Variants in PLD2 observed in about 807,000 individuals in gnomAD.
The protein encoded by PLD2 is phospholipase D2, also known as choline phosphatase 2.
In PLD2, 101 loss-of-function variants were observed where a neutral mutation model predicts 119.8. The observed-to-expected ratio is 0.84, with a 90% confidence interval of 0.72 to 0.99. The LOEUF is 0.99. PLD2 is among the 50% of genes least tolerant of loss of function. The pLI, the probability that PLD2 is intolerant of heterozygous loss-of-function variation, is 0.00. For synonymous variants in PLD2, 494 were observed against 482.8 expected (o/e 1.02, Z -0.30); for missense variants, 1,164 against 1,226.8 (o/e 0.95, Z 0.76).
intron 21 of PLD2, 57 bp downstream of exon 21, chr17:4,818,880 G>A: frequency 6.4e-7 from 1 of 1,573,008 alleles, no homozygotes; most frequent in Middle Eastern, 1.7e-4. Flanking sequence ...GGAGATTGGG[G>A]CGCTGCAGGC....
chr17:4,822,502 A>AG (rs1237450161), intron 24 of PLD2, 138 bp from the exon 25 acceptor site: 7 of 582,792 alleles, frequency 1.2e-5, no homozygotes, highest in Non-Finnish European at 1.8e-5. Context: ...CAAAAAAAAA[A>AG]AGAGAGAGAG....
At chr17:4,813,723 G>A (rs1367051236) in intron 10 of PLD2, among the ~76,000 whole-genome samples, 1 of 152,158 alleles carries the variant, frequency 6.6e-6, no homozygotes, top group African/African-American at 2.4e-5. Context: ...GCCAGGCGTG[G>A]TGGCGGGCGC....
intron 10 of PLD2, among the ~76,000 whole-genome samples, chr17:4,812,244 G>A (rs1906543740): frequency 6.6e-6 from 1 of 150,608 alleles, no homozygotes; most frequent in Non-Finnish European, 1.5e-5. Context: ...AGCCTCCCAA[G>A]TAGCTGGGAT....
intron 20 of PLD2, 78 bp from the exon 21 acceptor site, chr17:4,818,696 C>T (rs1907303097): frequency 6.3e-7 from 1 of 1,584,702 alleles, no homozygotes; most frequent in African/African-American, 1.3e-5. Context: ...CCTGCTGGGC[C>T]TTAAAGAAGG....
intron 16 of PLD2, 35 bp downstream of exon 16, chr17:4,817,090 G>A: frequency 1.2e-6 from 2 of 1,607,906 alleles, no homozygotes; most frequent in South Asian, 1.1e-5. Context: ...TGGAGGTAGG[G>A]AGGGAGCCAG....
chr17:4,818,311 T>G lies in PLD2; in HGVS notation c.1935T>G (p.Ile645Met). ...HFLYIENQFFISCSDGRTVLN... is the reference protein window; with the variant it reads ...HFLYIENQFFMSCSDGRTVLN... The stretch of plus-strand genomic sequence containing the variant: ...TCTTGCCCCAGAATCAGTTCTTCAT[T>G]AGCTGCTCAGATGGGCGGACGGTTC... Residue 645 changes from isoleucine (I) to methionine (M), a missense_variant, in exon 19 of 25, where the codon ATT becomes ATG. Physicochemically the swap from Ile to Met is conservative, Grantham distance 10. Transcript: ENST00000263088. The G allele has an allele frequency of 6.2e-7, 1 of 1,613,890 alleles. No homozygotes were observed. Among genetic ancestry groups the G allele is most frequent in the Non-Finnish European group, 8.5e-7 (1 of 1,179,810 alleles).
In PLD2 at chr17:4,811,861, G is replaced by A. The variant is rs140574917; in HGVS notation, c.1010+910G>A. 3.8e-3 allele frequency among the ~76,000 whole-genome samples: 571 copies of A among 151,878 alleles called. 3 individuals carry two copies. The highest frequency in any genetic ancestry group is 0.013 in the African/African-American group (521 of 41,416). Reference sequence around the variant, plus strand: ...ACAGTGTCTTGCTCTGTCACCAGGCGTGTAGTGCAGTAGTGTGATCATGGC... The same window carrying A: ...ACAGTGTCTTGCTCTGTCACCAGGCATGTAGTGCAGTAGTGTGATCATGGC... On this transcript the variant is annotated intron_variant, in intron 10 of 24. Transcript: ENST00000263088.
In PLD2 at chr17:4,810,900, T is replaced by A; in HGVS notation, c.959T>A (p.Leu320Gln). ...GGCCCAGGCAGAGACTTCCTACAGC[T>A]GCACCGGCATGACAGCTACGCCCCA... is the stretch of plus-strand genomic sequence containing the variant. ...AQGPGRDFLQ[L>Q]HRHDSYAPPR... Residue 320 changes from leucine (L) to glutamine (Q), a missense_variant, in exon 10 of 25, where the codon CTG (leucine) becomes CAG (glutamine). Coordinates refer to ENST00000263088, the MANE Select transcript of PLD2 (RefSeq NM_002663.5). 6.2e-7 allele frequency: 1 copy of A among 1,613,716 alleles called. No individual in the cohort carries two copies. The highest frequency in any genetic ancestry group is 2.2e-5 in the East Asian group (1 of 44,858).
At chr17:4,822,348 C>T (rs1200470053) in intron 24 of PLD2, among the ~76,000 whole-genome samples, 1 of 151,560 alleles carries the variant, frequency 6.6e-6, no homozygotes, top group Admixed American at 6.6e-5. Flanking sequence ...AAAAGTTAGC[C>T]GGGCATGGTG....
chr17:4,810,091 G>C, intron 9 of PLD2, 62 bp downstream of exon 9: 1 of 1,553,846 alleles, frequency 6.4e-7, no homozygotes, highest in Non-Finnish European at 8.8e-7. Context: ...GGCCTTGCTG[G>C]GAGTTGAGAA....
intron 23 of PLD2, among the ~76,000 whole-genome samples, chr17:4,820,753 T>C (rs1197370142): frequency 6.7e-6 from 1 of 148,440 alleles, no homozygotes; most frequent in Non-Finnish European, 1.5e-5. Flanking sequence ...ATTTTTTGTA[T>C]TTTTAGTAGA....
In PLD2 at chr17:4,819,172, C is replaced by T. The variant is rs1907369429; in HGVS notation, c.2262C>T (p.Tyr754=). Residue 754 remains tyrosine, a synonymous_variant, in exon 22 of 25, where the codon TAC becomes TAT. Coordinates refer to ENST00000263088, the MANE Select transcript of PLD2 (RefSeq NM_002663.5). This position sits in a 1 kb window ranked among gnomAD's most constrained non-coding sequence, Gnocchi z 4.2. Reference sequence around the variant, plus strand: ...GGCACCCCGTCTCGGAGCTCATCTACATCCACAGCAAGGTGCTCATCGCAG... The same window carrying T: ...GGCACCCCGTCTCGGAGCTCATCTATATCCACAGCAAGGTGCTCATCGCAG... ...LGGHPVSELI[Y]IHSKVLIADD... is the part of the protein sequence containing the mutation. 6.2e-7 allele frequency: 1 copy of T among 1,614,188 alleles called. No individual in the cohort carries two copies. Among genetic ancestry groups the T allele is most frequent in the Non-Finnish European group, 8.5e-7 (1 of 1,180,034 alleles).
In PLD2 at chr17:4,809,705, G is replaced by T; in HGVS notation, c.629G>T (p.Arg210Leu). ...TTGTCCCACAGGGAGGGGATGATCC[G>T]GAAGCGCTCAGGTGGCCACCGTGTT... Reference protein sequence around the residue: ...LGRKGLEGMIRKRSGGHRVPG... With the variant: ...LGRKGLEGMILKRSGGHRVPG... Residue 210 changes from arginine to leucine, a missense_variant, in exon 8 of 25, where the codon CGG becomes CTG. Arg to Leu is a moderately radical substitution (Grantham distance 102). Transcript: ENST00000263088. The T allele has an allele frequency of 6.2e-7, 1 of 1,614,174 alleles. No homozygotes were observed. Among genetic ancestry groups the T allele is most frequent in the Non-Finnish European group, 8.5e-7 (1 of 1,180,026 alleles).
In PLD2 at chr17:4,808,498, C is replaced by G. The variant is rs1424951384; in HGVS notation, c.383+82C>G. The G allele has an allele frequency of 7.1e-7, 1 of 1,403,174 alleles. No individual in the cohort carries two copies. The highest frequency in any genetic ancestry group is 9.9e-7 in the Non-Finnish European group (1 of 1,010,752). The allele number at this position is 1,403,174 out of a possible 1,614,324, so 86.9% of individuals were successfully genotyped here. A position where few individuals can be genotyped will look rare whatever the true frequency, so the allele number is the denominator to read the frequency against. The stretch of plus-strand genomic sequence containing the variant: ...GTCTGTCTCACCCCGGGGCCACAAC[C>G]TTTCCTCCCTGCAACTCTGGCCACT... On this transcript the variant is annotated intron_variant, in intron 4 of 24. Coordinates refer to ENST00000263088, the MANE Select transcript of PLD2 (RefSeq NM_002663.5). The surrounding 1 kb of genome is among the most constrained non-coding windows in gnomAD (Gnocchi z 4.1).
rs772348403 is a variant in PLD2 at position 4,822,912 on chromosome 17, G to A, written c.*48G>A. ...GTCACCAGCTGCTGTGCCCCACCAC[G>A]TCTGGCTCCCTGCCCCTTAACCCCA... On this transcript the variant is annotated 3_prime_UTR_variant, in exon 25 of 25. Coordinates refer to ENST00000263088, the MANE Select transcript of PLD2 (RefSeq NM_002663.5). 81 of 1,072,786 alleles carry A rather than the reference G, an allele frequency of 7.6e-5. 1 individual carries two copies. In the Admixed American group the frequency reaches 1.1e-3, roughly 15 times the overall value. 66.5% of individuals were successfully genotyped at this position (1,072,786 alleles called of 1,614,324 possible).
intron 10 of PLD2, among the ~76,000 whole-genome samples, chr17:4,812,676 T>A (rs1906598326): frequency 6.6e-6 from 1 of 152,132 alleles, no homozygotes; most frequent in Admixed American, 6.6e-5. Context: ...GGGGAAATGA[T>A]TGCCTATAGT....
intron 24 of PLD2, 35 bp downstream of exon 24, chr17:4,821,942 G>A: frequency 1.4e-6 from 2 of 1,400,788 alleles, no homozygotes; most frequent in Non-Finnish European, 1.0e-6. Flanking sequence ...AGAGTGGCCT[G>A]GGGAAATTTG....
In PLD2 at chr17:4,823,107, A is replaced by G. The variant is rs867903526; in HGVS notation, c.*243A>G. ...CTCATCCCCCCTGCTGCCCAGTGCAAACCACTTCTCCATGCTGCAAAGGAG... is the reference window on the plus strand; with the variant it reads ...CTCATCCCCCCTGCTGCCCAGTGCAGACCACTTCTCCATGCTGCAAAGGAG... On this transcript the variant is annotated 3_prime_UTR_variant, in exon 25 of 25. Transcript: ENST00000263088. The G allele has an allele frequency of 1.0e-5, 5 of 493,162 alleles. No homozygotes were observed. The highest frequency in any genetic ancestry group is 1.9e-5 in the African/African-American group (1 of 52,178). 30.5% of individuals were successfully genotyped at this position (493,162 alleles called of 1,614,324 possible).
At chr17:4,809,835 T>A in intron 8 of PLD2, 42 bp from the exon 9 acceptor site, 1 of 1,613,440 alleles carries the variant, frequency 6.2e-7, no homozygotes, top group Non-Finnish European at 8.5e-7. Context: ...AGGAAGAAAA[T>A]TTTGAGGGCA....
Sources: allele counts gnomAD v4.1 joint callset (sites outside exome capture counted in the v4.1 genomes callset), GRCh38; gene constraint gnomAD v4.1.1; non-coding constraint Gnocchi (gnomAD v3.1); transcripts MANE v1.5; gene names NCBI Gene and HGNC (gene_info 2026-07-23, HGNC 2026-07-21).